Variants in TRAF7 observed in about 807,000 individuals in gnomAD.
TRAF7 encodes the protein E3 ubiquitin-protein ligase TRAF7.
Under a neutral mutation model 89.3 loss-of-function variants are expected in TRAF7, and 45 were observed. The observed-to-expected ratio is 0.50, with a 90% CI of 0.40 to 0.65. The LOEUF (loss-of-function observed/expected upper bound fraction) is 0.65, where lower values mean the gene tolerates loss of function less well. Among genes scored for constraint, TRAF7 ranks in the 30% least tolerant of loss-of-function variants. The probability of loss-of-function intolerance (pLI) is 0.00; values close to 1 mark genes in which losing one functional copy is unlikely to be tolerated. For missense variants in TRAF7, 677 were observed against 918.1 expected (o/e 0.74, Z 3.39); for synonymous variants, 406 against 369.2 (o/e 1.10, Z -1.14).
At position 2,174,303 on chromosome 16, in the gene TRAF7, A is replaced by T. The variant is rs1158312286; in HGVS notation, c.1316A>T (p.Asp439Val). The part of the protein sequence containing the change: ...YKCQKTLEGH[D>V]GIVLALCIQG... ...TGTCAGAAGACACTGGAGGGCCATG[A>T]TGGCATCGTGCTGGCTCTCTGCATC... The change falls in exon 14 of 21, where the codon GAT (aspartate) becomes GTT (valine). Residue 439 changes from aspartate (D) to valine (V), a missense_variant. This residue lies in a region of TRAF7 where 160 missense variants were observed against 263.7 expected (regional missense o/e 0.61). Coordinates refer to ENST00000326181, the MANE Select transcript of TRAF7 (RefSeq NM_032271.3). 1 of 1,613,236 alleles carries T rather than the reference A, an allele frequency of 6.2e-7. No homozygotes were observed. The highest frequency in any genetic ancestry group is 8.5e-7 in the Non-Finnish European group (1 of 1,179,960).
Position 2,176,338 on chromosome 16 carries a change from T to C in TRAF7, c.1952T>C (p.Val651Ala). The C allele has an allele frequency of 1.2e-6, 2 of 1,604,914 alleles. No homozygotes were observed. Among genetic ancestry groups the C allele is most frequent in the South Asian group, 1.1e-5 (1 of 90,396 alleles). ...RHQGSVTALA[V>A]SRGRLFSGAV... ...CAGGGCAGTGTCACCGCGCTGGCTG[T>C]GTCCCGGGGCCGACTCTTCTCAGGG... Residue 651 changes from valine to alanine, a missense_variant, in exon 20 of 21, where the codon GTG (valine) becomes GCG (alanine). Val to Ala is a moderately conservative substitution (Grantham distance 64). Coordinates refer to ENST00000326181, the MANE Select transcript of TRAF7 (RefSeq NM_032271.3).
chr16:2,165,010 G>A (rs1297463167), intron 2 of TRAF7, among the ~76,000 whole-genome samples: 2 of 113,398 alleles, frequency 1.8e-5, no homozygotes, highest in Non-Finnish European at 3.4e-5. Context: ...GCCTGGCCTG[G>A]TCGCATGGTT....
chr16:2,164,147 TGTGTGTGTGTGTGCGCGCGCGCGC>T (rs1458397408), intron 2 of TRAF7, 146 bp downstream of exon 2: 2 of 557,798 alleles, frequency 3.6e-6, no homozygotes, highest in Non-Finnish European at 6.1e-6. Context: ...GTGGTGTGTG[TGTGTGTGTGTGTGCGCGCGCGCGC>T]GCGCGCGCGC....
Position 2,173,275 on chromosome 16 carries a change from C to T in TRAF7, c.888C>T (p.Asp296=), listed in dbSNP as rs781246415. The change falls in exon 10 of 21, where the codon GAC becomes GAT. Residue 296 remains aspartate, a synonymous_variant. Transcript: ENST00000326181. The part of the protein sequence containing the change: ...GLKEFLQQTD[D]RFHEMHVALA... ...AGGAGTTTCTGCAGCAGACGGATGA[C>T]CGCTTCCACGAGATGCACGTGGCTC... 9.3e-6 allele frequency: 15 copies of T among 1,613,440 alleles called. No individual in the cohort carries two copies. The highest frequency in any genetic ancestry group is 1.3e-5 in the African/African-American group (1 of 74,928).
rs552090411 is a variant in TRAF7, at chr16:2,163,201, C to A, written c.-38-682C>A. Among the ~76,000 whole-genome samples, 2 of 152,332 alleles carry A rather than the reference C, an allele frequency of 1.3e-5. No individual in the cohort carries two copies. The highest frequency in any genetic ancestry group is 2.1e-4 in the South Asian group (1 of 4,832). ...CCCGCATGCCTTCTCCCTGCCCCCC[C>A]ACCCACCAGCCCCTGAGCCCCTGTG... On this transcript the variant is annotated intron_variant, in intron 1 of 20. Coordinates refer to ENST00000326181, the MANE Select transcript of TRAF7 (RefSeq NM_032271.3). The surrounding 1 kb of genome is among the most constrained non-coding windows in gnomAD (Gnocchi z 4.3).
chr16:2,157,399 G>A (rs2093039660), intron 1 of TRAF7, among the ~76,000 whole-genome samples: 1 of 152,124 alleles, frequency 6.6e-6, no homozygotes, highest in South Asian at 2.1e-4. Context: ...TGGCCCACTG[G>A]GGCCAAGTGT....
In TRAF7 at chr16:2,176,941, T is replaced by A. The variant is rs777883683; in HGVS notation, c.*367T>A. On this transcript the variant is annotated 3_prime_UTR_variant, in exon 21 of 21. Coordinates refer to ENST00000326181, the MANE Select transcript of TRAF7 (RefSeq NM_032271.3). ...AAATAAATGCTCCACAGACTGTGGC[T>A]GTGAGTGGGGACAGCTCCTCGGGAC... 2 of 448,410 alleles carry A rather than the reference T, an allele frequency of 4.5e-6. No homozygotes were observed. Among genetic ancestry groups the A allele is most frequent in the Non-Finnish European group, 8.3e-6 (2 of 240,954 alleles). 27.8% of individuals were successfully genotyped at this position (448,410 alleles called of 1,614,324 possible).
chr16:2,160,613 G>A (rs942146724), intron 1 of TRAF7, among the ~76,000 whole-genome samples: 1 of 151,296 alleles, frequency 6.6e-6, no homozygotes, highest in Non-Finnish European at 1.5e-5. Flanking sequence ...TGGAAGGGAG[G>A]GGTAGGGGGG....
chr16:2,173,038 G>A (rs2093120042), intron 9 of TRAF7, 144 bp from the exon 10 acceptor site: 1 of 698,924 alleles, frequency 1.4e-6, no homozygotes, highest in Non-Finnish European at 2.5e-6. Flanking sequence ...TGGATGGGGA[G>A]GAGGGGCAGG....
At chr16:2,164,643 C>G (rs1475530930) in intron 2 of TRAF7, among the ~76,000 whole-genome samples, 1 of 126,348 alleles carries the variant, frequency 7.9e-6, no homozygotes, top group Non-Finnish European at 1.6e-5. Context: ...GCGGCCTGGT[C>G]GCATGGTTAA....
In TRAF7 at chr16:2,176,128, C is replaced by G. The variant is rs752689284; in HGVS notation, c.1826C>G (p.Ser609Trp). 2 of 1,610,594 alleles carry G rather than the reference C, an allele frequency of 1.2e-6. No individual in the cohort carries two copies. The highest frequency in any genetic ancestry group is 1.7e-6 in the Non-Finnish European group (2 of 1,179,590). ...VGTVYALAVI[S>W]TPDQTKVFSA... ...ACCGTGTATGCCCTGGCGGTCATCT[C>G]GACGCCAGACCAGACCAAAGTCTTC... The change falls in exon 19 of 21, where the codon TCG becomes TGG. Residue 609 changes from serine (S) to tryptophan (W), a missense_variant. Physicochemically the swap from Ser to Trp is radical, Grantham distance 177. This residue lies in a region of TRAF7 where 160 missense variants were observed against 263.7 expected (regional missense o/e 0.61). Coordinates refer to ENST00000326181, the MANE Select transcript of TRAF7 (RefSeq NM_032271.3).
Position 2,163,950 on chromosome 16 carries a change from C to T in TRAF7, c.30C>T (p.Asn10=). Residue 10 remains asparagine (N), a synonymous_variant, in exon 2 of 21, where the codon AAC becomes AAT. Coordinates refer to ENST00000326181, the MANE Select transcript of TRAF7 (RefSeq NM_032271.3). This position sits in a 1 kb window ranked among gnomAD's most constrained non-coding sequence, Gnocchi z 4.3. MSSGKSARY[N]RFSGGPSNLP... ...GCTCAGGCAAGAGTGCCCGCTACAA[C>T]CGCTTCTCCGGGGGGCCCAGCAATC... is the stretch of plus-strand genomic sequence containing the variant. 1 of 1,612,922 alleles carries T rather than the reference C, an allele frequency of 6.2e-7. No homozygotes were observed. The highest frequency in any genetic ancestry group is 8.5e-7 in the Non-Finnish European group (1 of 1,179,794).
At chr16:2,156,825 A>AAAG (rs1431786627) in intron 1 of TRAF7, among the ~76,000 whole-genome samples, 3 of 152,144 alleles carry the variant, frequency 2.0e-5, no homozygotes, top group Non-Finnish European at 4.4e-5. Context: ...AGAGCTTTCT[A>AAAG]ACTGTGTGTG....
chr16:2,156,030 C>T (rs897505328), intron 1 of TRAF7, among the ~76,000 whole-genome samples, 172 bp downstream of exon 1: 1 of 151,686 alleles, frequency 6.6e-6, no homozygotes, highest in Non-Finnish European at 1.5e-5. Context: ...GGGTCGGGGT[C>T]CGCGTCGCTG....
intron 1 of TRAF7, among the ~76,000 whole-genome samples, chr16:2,160,459 G>A (rs1288806240): frequency 2.0e-5 from 3 of 149,284 alleles, no homozygotes; most frequent in South Asian, 2.1e-4. Context: ...ACAGGCAGGC[G>A]GTGTGGATGG....
rs149905921 is a variant in TRAF7, at chr16:2,169,662, C to T, written c.232-952C>T. Among the ~76,000 whole-genome samples the T allele has an allele frequency of 4.9e-3, 744 of 152,316 alleles. 6 individuals carry two copies. Among genetic ancestry groups the T allele is most frequent in the African/African-American group, 0.017 (700 of 41,564 alleles). On this transcript the variant is annotated intron_variant, in intron 4 of 20. Transcript: ENST00000326181. Reference sequence around the variant, plus strand: ...CCCGTGCCAGCTCCTGCTCTGCTCTCGCCCCTGGGGCTCCCTCTGCTGCTG... The same window carrying T: ...CCCGTGCCAGCTCCTGCTCTGCTCTTGCCCCTGGGGCTCCCTCTGCTGCTG...
rs748857409 is a variant in TRAF7, at chr16:2,175,108, C to T, written c.1347-3C>T. The T allele has an allele frequency of 1.7e-5, 28 of 1,613,790 alleles. No individual in the cohort carries two copies. In the South Asian group the frequency reaches 3.1e-4, roughly 18 times the overall value. ...CCTTGACACATTGTCTCTGCTTCCC[C>T]AGGTGCAAACTCTACAGCGGCTCTG... On this transcript the variant is annotated splice_polypyrimidine_tract_variant and splice_region_variant and intron_variant, in intron 14 of 20. Coordinates refer to ENST00000326181, the MANE Select transcript of TRAF7 (RefSeq NM_032271.3).
Position 2,163,626 on chromosome 16 carries a change from C to T in TRAF7, c.-38-257C>T, listed in dbSNP as rs955910006. 6.6e-6 allele frequency: 3 copies of T among 453,168 alleles called. No individual in the cohort carries two copies. Among genetic ancestry groups the T allele is most frequent in the African/African-American group, 2.0e-5 (1 of 49,828 alleles). 28.1% of individuals were successfully genotyped at this position (453,168 alleles called of 1,614,324 possible). On this transcript the variant is annotated intron_variant, in intron 1 of 20. Coordinates refer to ENST00000326181, the MANE Select transcript of TRAF7 (RefSeq NM_032271.3). The surrounding 1 kb of genome is among the most constrained non-coding windows in gnomAD (Gnocchi z 4.3). Reference sequence around the variant, plus strand: ...ACCTCGGGGAAGAGCTGGATGGGCTCTTCGGGAGCTCAGAAAGGCTAAGCC... The same window carrying T: ...ACCTCGGGGAAGAGCTGGATGGGCTTTTCGGGAGCTCAGAAAGGCTAAGCC...
intron 3 of TRAF7, 90 bp from the exon 4 acceptor site, chr16:2,167,987 C>T (rs1240866512): frequency 3.3e-6 from 4 of 1,218,708 alleles, no homozygotes; most frequent in Non-Finnish European, 4.7e-6. Flanking sequence ...CTACAGGGGA[C>T]CCACAGGGTC....
Sources: gnomAD v4.1 joint callset for allele counts (sites outside exome capture counted in the v4.1 genomes callset) on GRCh38, gnomAD v4.1.1 for gene constraint, gnomAD v4.1.1 regional missense constraint, Gnocchi (gnomAD v3.1) non-coding constraint, MANE v1.5 for transcripts, NCBI Gene and HGNC (gene_info 2026-07-23, HGNC 2026-07-21) for gene names.